Variants in PAK3 observed in about 807,000 individuals in gnomAD.
PAK3 encodes the protein serine/threonine-protein kinase PAK 3.
In PAK3, 4 loss-of-function variants were observed where a neutral mutation model predicts 41.0. That is an observed-to-expected ratio of 0.10 (90% CI 0.05 to 0.22). The LOEUF is 0.22. Ranked by LOEUF, PAK3 falls within the 10% of genes least tolerant of loss-of-function variation. PAK3 has a pLI of 1.00. For synonymous variants in PAK3, 146 were observed against 139.6 expected (o/e 1.05, Z -0.32); for missense variants, 205 against 409.9 (o/e 0.50, Z 4.32).
Position 111,123,293 on chromosome X carries a change from G to A in PAK3, c.175+15G>A. On this transcript the variant is annotated intron_variant, in intron 5 of 17. Coordinates refer to ENST00000372007, the MANE Select transcript of PAK3 (RefSeq NM_002578.5). ...AGGGGATAAAAGTAAAGTATCAGTG[G>A]CCGGGCATTGAAAATGGGCTAGTTT... 1 of 1,167,903 alleles carries A rather than the reference G, an allele frequency of 8.6e-7. No homozygotes were observed. Among genetic ancestry groups the A allele is most frequent in the Non-Finnish European group, 1.2e-6 (1 of 855,684 alleles).
At chrX:111,055,092 CA>C (rs1302918004) in intron 1 of PAK3, among the ~76,000 whole-genome samples, 1 of 112,036 alleles carries the variant, frequency 8.9e-6, no homozygotes, top group Non-Finnish European at 1.9e-5. Flanking sequence ...GCACATTGTA[CA>C]CCAACCACTA....
At chrX:110,966,000 C>A (rs1037638085) in intron 1 of PAK3, among the ~76,000 whole-genome samples, 8 of 112,171 alleles carry the variant, frequency 7.1e-5, no homozygotes, top group Non-Finnish European at 1.5e-4. Context: ...ACTGCACAAA[C>A]TTAAAGTGGA....
chrX:111,003,222 C>T (rs771975825), intron 1 of PAK3, among the ~76,000 whole-genome samples: 7 of 111,989 alleles, frequency 6.3e-5, no homozygotes, highest in Non-Finnish European at 1.1e-4. Flanking sequence ...TTCAAACACA[C>T]ATGATAGTCA....
intron 1 of PAK3, among the ~76,000 whole-genome samples, chrX:110,948,700 A>C: frequency 9.0e-6 from 1 of 110,543 alleles, no homozygotes; most frequent in African/African-American, 3.3e-5. Flanking sequence ...TTCAGTCTCT[A>C]CCCCAAAATG....
chrX:111,168,243 ATTC>A (rs1208803235), intron 10 of PAK3, among the ~76,000 whole-genome samples: 1 of 112,057 alleles, frequency 8.9e-6, no homozygotes. Context: ...AGTATTTAGC[ATTC>A]TTAAAACCTG....
chrX:111,183,629 C>T (rs1187195452), intron 11 of PAK3, among the ~76,000 whole-genome samples: 1 of 111,529 alleles, frequency 9.0e-6, no homozygotes, highest in East Asian at 2.8e-4. Context: ...ATTATTAGTC[C>T]TACCATGTTG....
rs778807767 is a variant in PAK3, at chrX:111,089,307, G to T, written c.-27-33770G>T. ...ACTTCAAAATAAGAAAGCTATAAAA[G>T]ATGTTTAATGGGAGAACAGGTTTGT... On this transcript the variant is annotated intron_variant, in intron 1 of 14. Coordinates refer to the PAK3 transcript ENST00000425146. Among the ~76,000 whole-genome samples the T allele has an allele frequency of 2.7e-5, 3 of 112,382 alleles. No individual in the cohort carries two copies. The South Asian group carries it at 1.1e-3, about 41-fold the overall frequency.
chrX:111,082,529 G>A, intron 1 of PAK3, among the ~76,000 whole-genome samples: 2 of 111,562 alleles, frequency 1.8e-5, no homozygotes, highest in Admixed American at 1.9e-4. Context: ...TGGGGGTGGG[G>A]TAAGTGTGGA....
chrX:110,950,477 T>G (rs2090718472), intron 1 of PAK3, among the ~76,000 whole-genome samples: 2 of 111,447 alleles, frequency 1.8e-5, no homozygotes, highest in African/African-American at 6.5e-5. Flanking sequence ...GTTACATAGG[T>G]ATACATGTGC....
At chrX:111,163,457 G>T in intron 9 of PAK3, 105 bp from the exon 10 acceptor site, 2 of 592,686 alleles carry the variant, frequency 3.4e-6, no homozygotes, top group South Asian at 2.6e-5. Context: ...TTTTTTTTAA[G>T]AAAATACCAC....
chrX:110,948,603 G>T (rs2090671919), intron 1 of PAK3, among the ~76,000 whole-genome samples: 2 of 111,803 alleles, frequency 1.8e-5, no homozygotes, highest in South Asian at 7.6e-4. Flanking sequence ...TTTACAAACT[G>T]CCTTGAAAGG....
chrX:111,188,583 G>A (rs2149305072), intron 11 of PAK3, among the ~76,000 whole-genome samples: 1 of 112,165 alleles, frequency 8.9e-6, no homozygotes, highest in Non-Finnish European at 1.9e-5. Context: ...TTTGGAAATA[G>A]GGGCAGATGT....
Position 110,994,846 on chromosome X carries a change from T to C in PAK3, c.-28+50218T>C, listed in dbSNP as rs1462352402. On this transcript the variant is annotated intron_variant, in intron 1 of 14. Transcript: ENST00000425146. ...ATATGCCTATATATTTTGAAACACC[T>C]AGCCCAGTGCCTGGCTTAACAAACG... Among the ~76,000 whole-genome samples, 3 of 111,778 alleles carry C rather than the reference T, an allele frequency of 2.7e-5. No individual in the cohort carries two copies. The East Asian group carries it at 8.4e-4, about 31-fold the overall frequency.
At chrX:111,186,602 G>A (rs184146122) in intron 11 of PAK3, among the ~76,000 whole-genome samples, 682 of 111,332 alleles carry the variant, frequency 6.1e-3, no homozygotes, top group Non-Finnish European at 0.011. Flanking sequence ...TCTTCAAGGA[G>A]AACTACAAAC....
chrX:111,113,555 A>G, intron 4 of PAK3, among the ~76,000 whole-genome samples: 1 of 109,524 alleles, frequency 9.1e-6, no homozygotes, highest in Non-Finnish European at 1.9e-5. Flanking sequence ...TTAAATTTTT[A>G]CTCTCATTTT....
intron 11 of PAK3, among the ~76,000 whole-genome samples, chrX:111,185,958 G>A (rs1004643995): frequency 3.6e-5 from 4 of 111,195 alleles, no homozygotes; most frequent in Non-Finnish European, 7.5e-5. Context: ...AATCAAGTCA[G>A]CTTCATCCCT....
rs769777507 is a variant in PAK3, at chrX:111,157,787, C to CA, written c.469-5115dup. Among the ~76,000 whole-genome samples, 276 of 71,527 alleles carry CA rather than the reference C, an allele frequency of 3.9e-3. 1 individual carries two copies. Among genetic ancestry groups the CA allele is most frequent in the African/African-American group, 9.6e-3 (185 of 19,270 alleles). 62.1% of individuals were successfully genotyped at this position (71,527 alleles called of 115,157 possible). ...GGGCAACAATGGCGAAACTCCATCT[C>CA]AAAAAAAAAAAAAGAAAAGAAAAAA... On this transcript the variant is annotated intron_variant, in intron 8 of 17. Coordinates refer to ENST00000372007, the MANE Select transcript of PAK3 (RefSeq NM_002578.5).
chrX:110,991,378 C>G (rs1027276881), intron 1 of PAK3, among the ~76,000 whole-genome samples: 1 of 111,567 alleles, frequency 9.0e-6, no homozygotes, highest in Non-Finnish European at 1.9e-5. Flanking sequence ...TCATCTTATA[C>G]TGAAGTTAGG....
At chrX:111,212,982 G>A (rs912259333) in intron 16 of PAK3, among the ~76,000 whole-genome samples, 4 of 112,004 alleles carry the variant, frequency 3.6e-5, no homozygotes, top group South Asian at 7.5e-4. Flanking sequence ...ATGGTGCATC[G>A]ACATGATGAA....
Sources: gnomAD v4.1 joint callset for allele counts (sites outside exome capture counted in the v4.1 genomes callset) on GRCh38, gnomAD v4.1.1 for gene constraint, MANE v1.5 for transcripts, NCBI Gene and HGNC (gene_info 2026-07-23, HGNC 2026-07-21) for gene names.